Variants in CABIN1 observed in about 807,000 individuals in gnomAD.
CABIN1 encodes the protein calcineurin binding protein 1.
CABIN1 carries 133 observed loss-of-function variants against 227.7 expected under a neutral mutation model. The ratio of observed to expected loss-of-function variants is 0.58; its 90% CI spans 0.51 to 0.67. The LOEUF is 0.67. CABIN1 is among the 30% of genes least tolerant of loss of function. CABIN1 has a pLI of 0.00. For synonymous variants in CABIN1, 1,086 were observed against 1,155.1 expected, an observed-to-expected ratio of 0.94 and a Z score of 1.21; for missense variants, 2,408 against 2,852.5, an observed-to-expected ratio of 0.84 and a Z score of 3.55.
intron 6 of CABIN1, among the ~76,000 whole-genome samples, chr22:24,048,009 A>G (rs1318857503): frequency 1.3e-5 from 2 of 152,222 alleles, no homozygotes; most frequent in Non-Finnish European, 2.9e-5. Flanking sequence ...AATCCATGCC[A>G]TCCCATTTTT....
At chr22:24,018,352 A>G (rs1272623544) in intron 1 of CABIN1, among the ~76,000 whole-genome samples, 1 of 152,116 alleles carries the variant, frequency 6.6e-6, no homozygotes, top group Non-Finnish European at 1.5e-5. Context: ...TGAATTTTAA[A>G]TCATATTTGG....
intron 29 of CABIN1, among the ~76,000 whole-genome samples, chr22:24,149,375 T>C (rs1304528202): frequency 2.0e-5 from 3 of 152,170 alleles, no homozygotes; most frequent in Non-Finnish European, 4.4e-5. Context: ...TGGGAAAGCA[T>C]GTTACTACCA....
intron 29 of CABIN1, among the ~76,000 whole-genome samples, chr22:24,140,944 C>T (rs2044717465): frequency 6.6e-6 from 1 of 152,192 alleles, no homozygotes; most frequent in Non-Finnish European, 1.5e-5. Context: ...CACAGGCAGG[C>T]ACAGCTCCCA....
At chr22:24,103,256 C>T (rs1268795719) in intron 26 of CABIN1, 1 of 152,084 alleles carries the variant, frequency 6.6e-6, no homozygotes. Flanking sequence ...GGCCTCTTCT[C>T]CACTGCCCCC....
intron 26 of CABIN1, among the ~76,000 whole-genome samples, chr22:24,100,840 G>A (rs1230391183): frequency 2.6e-5 from 4 of 152,222 alleles, no homozygotes; most frequent in African/African-American, 9.7e-5. Flanking sequence ...GTTGAATGGG[G>A]TAATGTCTTC....
intron 15 of CABIN1, among the ~76,000 whole-genome samples, chr22:24,065,925 G>A (rs1171924638): frequency 6.6e-6 from 1 of 152,236 alleles, no homozygotes; most frequent in Admixed American, 6.5e-5. Flanking sequence ...AATCAGGCAG[G>A]GAGGTTGCAG....
intron 28 of CABIN1, among the ~76,000 whole-genome samples, chr22:24,126,823 AC>A (rs2043754458): frequency 6.6e-6 from 1 of 151,658 alleles, no homozygotes; most frequent in Admixed American, 6.6e-5. Context: ...ACATGGCAAA[AC>A]CCCGTCTCAA....
intron 22 of CABIN1, 94 bp from the exon 23 acceptor site, chr22:24,087,358 C>G (rs2041235824): frequency 1.3e-6 from 2 of 1,531,270 alleles, no homozygotes; most frequent in South Asian, 2.3e-5. Context: ...AGGGAGTTTC[C>G]ATGGGGTCCA....
Position 24,022,003 on chromosome 22 carries a change from A to AT in CABIN1, c.-75+10637dup, listed in dbSNP as rs1295131887. Among the ~76,000 whole-genome samples the AT allele has an allele frequency of 5.3e-5, 8 of 152,298 alleles. No individual in the cohort carries two copies. The East Asian group carries it at 1.3e-3, about 26-fold the overall frequency. ...CCCGGCCAGCATATTCTTGACTGTC[A>AT]TATCATCAGTGTGAATTGTGCCTTT... On this transcript the variant is annotated intron_variant, in intron 1 of 36. Coordinates refer to ENST00000263119, the MANE Select transcript of CABIN1 (RefSeq NM_012295.4).
intron 15 of CABIN1, among the ~76,000 whole-genome samples, chr22:24,066,386 T>C (rs1457550009): frequency 2.6e-5 from 4 of 152,128 alleles, no homozygotes; most frequent in African/African-American, 9.7e-5. Context: ...GGCCATGGGG[T>C]TGAGTCAGCA....
chr22:24,084,688 AC>A lies in CABIN1; in HGVS notation c.3022del (p.Leu1008TyrfsTer2). On this transcript the variant is annotated frameshift_variant, in exon 21 of 37. Coordinates refer to ENST00000263119, the MANE Select transcript of CABIN1 (RefSeq NM_012295.4). LOFTEE classifies it high-confidence loss of function. ...KTSTVSADLA[N>X]LLKRIATIVP... The stretch of plus-strand genomic sequence containing the variant: ...AGCACCGTGTCTGCTGACTTGGCCA[AC>A]CTACTGAAGAGAATTGCCACCATTG... 6.2e-7 allele frequency: 1 copy of A among 1,614,088 alleles called. No homozygotes were observed. Among genetic ancestry groups the A allele is most frequent in the Non-Finnish European group, 8.5e-7 (1 of 1,179,994 alleles).
rs752432376 is a variant in CABIN1 at position 24,055,108 on chromosome 22, A to G, written c.1042A>G (p.Thr348Ala). Residue 348 changes from threonine to alanine, a missense_variant, in exon 9 of 37, where the codon ACC becomes GCC. By Grantham distance (58) the Thr-to-Ala change is moderately conservative (BLOSUM62 0). This residue lies in a region of CABIN1 where 1,045 missense variants were observed against 1,168.4 expected (regional missense o/e 0.89). Transcript: ENST00000263119. Reference sequence around the variant, plus strand: ...GGTCTCCTACACCTCTGTGGCTACAACCAGCTTCCCACTGCACAGTCCTGG... The same window carrying G: ...GGTCTCCTACACCTCTGTGGCTACAGCCAGCTTCCCACTGCACAGTCCTGG... ...PVVSYTSVAT[T>A]SFPLHSPGLL... The G allele has an allele frequency of 2.2e-5, 36 of 1,613,930 alleles. No individual in the cohort carries two copies. The Admixed American group carries it at 5.8e-4, about 26-fold the overall frequency.
rs176160 is a variant in CABIN1, at chr22:24,118,943, A to C, written c.4301-424A>C. ...GGGGCAGGCAGTGGGCTGAGCACTGAGCAGGGGAGCAGGTATGATACTTCG... is the reference window on the plus strand; with the variant it reads ...GGGGCAGGCAGTGGGCTGAGCACTGCGCAGGGGAGCAGGTATGATACTTCG... On this transcript the variant is annotated intron_variant, in intron 27 of 36. Transcript: ENST00000263119. Among the ~76,000 whole-genome samples the C allele has an allele frequency of 1.4e-3, 216 of 152,268 alleles. 3 individuals carry two copies. In the East Asian group the frequency reaches 0.034, roughly 24 times the overall value.
intron 26 of CABIN1, 82 bp downstream of exon 26, chr22:24,098,274 T>G: frequency 1.5e-6 from 2 of 1,301,988 alleles, no homozygotes; most frequent in Non-Finnish European, 2.2e-6. Context: ...ATTTTGTCGC[T>G]TCGTTTTGGT....
At chr22:24,064,659 T>A (rs1429739817) in intron 15 of CABIN1, among the ~76,000 whole-genome samples, 3 of 151,506 alleles carry the variant, frequency 2.0e-5, no homozygotes, top group African/African-American at 7.3e-5. Context: ...CAGAGGACCC[T>A]GCGGCCTTCC....
chr22:24,101,446 A>T (rs2042194988), intron 26 of CABIN1, among the ~76,000 whole-genome samples: 1 of 152,184 alleles, frequency 6.6e-6, no homozygotes, highest in South Asian at 2.1e-4. Context: ...AACTCTGGTT[A>T]AAAGCCTTTG....
intron 28 of CABIN1, among the ~76,000 whole-genome samples, chr22:24,123,184 A>G (rs2043522636): frequency 6.6e-6 from 1 of 152,158 alleles, no homozygotes; most frequent in Non-Finnish European, 1.5e-5. Context: ...GGCTGTCTGC[A>G]CCATTGATGT....
chr22:24,176,026 C>A, intron 34 of CABIN1, 85 bp from the exon 35 acceptor site: 1 of 1,466,918 alleles, frequency 6.8e-7, no homozygotes, highest in Non-Finnish European at 9.4e-7. Flanking sequence ...AGGGCACAAC[C>A]TGGGCCCATA....
Position 24,087,549 on chromosome 22 carries a change from CA to C in CABIN1, c.3362del (p.His1121LeufsTer6). On this transcript the variant is annotated frameshift_variant, in exon 23 of 37. Transcript: ENST00000263119. LOFTEE classifies it high-confidence loss of function. ...ELKSDGPIWK[H>X]ATPVLNCFRR... Reference sequence around the variant, plus strand: ...GAAGAGTGATGGGCCCATTTGGAAGCATGCCACGCCCGTCTTGAACTGCTTC... The same window carrying C: ...GAAGAGTGATGGGCCCATTTGGAAGCTGCCACGCCCGTCTTGAACTGCTTC... The C allele has an allele frequency of 6.2e-7, 1 of 1,614,236 alleles. No individual in the cohort carries two copies. The highest frequency in any genetic ancestry group is 8.5e-7 in the Non-Finnish European group (1 of 1,180,054).
Sources: allele counts gnomAD v4.1 joint callset (sites outside exome capture counted in the v4.1 genomes callset), GRCh38; gene constraint gnomAD v4.1.1; regional missense constraint gnomAD v4.1.1; transcripts MANE v1.5; gene names NCBI Gene and HGNC (gene_info 2026-07-23, HGNC 2026-07-21).